MGMT: variants seen among roughly 807,000 people sequenced by gnomAD.
MGMT encodes O-6-methylguanine-DNA methyltransferase.
MGMT carries 14 observed loss-of-function variants against 15.9 expected under a neutral mutation model. That is an observed-to-expected ratio of 0.88 (90% CI 0.58 to 1.37). MGMT has a LOEUF of 1.37. Ranked by LOEUF, MGMT falls within the 40% of genes most tolerant of loss-of-function variation. The pLI, the probability that MGMT is intolerant of heterozygous loss-of-function variation, is 0.00. For synonymous variants in MGMT, 130 were observed against 118.2 expected (o/e 1.10, Z -0.65); for missense variants, 282 against 268.1 (o/e 1.05, Z -0.36).
At chr10:129,518,373 C>CACACACACACACACACA (rs1260129134) in intron 1 of MGMT, among the ~76,000 whole-genome samples, 1 of 149,784 alleles carries the variant, frequency 6.7e-6, no homozygotes, top group African/African-American at 2.5e-5. Flanking sequence ...CACACACACA[C>CACACACACACACACACA]ATTTGGCCCT....
Position 129,719,504 on chromosome 10 carries a change from G to C in MGMT, c.274+11461G>C, listed in dbSNP as rs146639712. ...GGAAGTCCGAGACCGAGGTGCGGCA[G>C]GGTGTCAGCTACTCAGACCAAGGTG... On this transcript the variant is annotated intron_variant, in intron 3 of 4. Coordinates refer to ENST00000651593, the MANE Select transcript of MGMT (RefSeq NM_002412.5). Among the ~76,000 whole-genome samples the C allele has an allele frequency of 5.1e-3, 781 of 152,346 alleles. 18 individuals carry two copies. Among genetic ancestry groups the C allele is most frequent in the Admixed American group, 0.047 (723 of 15,302 alleles).
chr10:129,524,213 G>A (rs1047472403), intron 1 of MGMT, among the ~76,000 whole-genome samples: 14 of 152,188 alleles, frequency 9.2e-5, no homozygotes, highest in Non-Finnish European at 1.3e-4. Context: ...ACTACCTCCC[G>A]CCCTCAAGGA....
intron 3 of MGMT, among the ~76,000 whole-genome samples, chr10:129,733,362 A>T (rs558094897): frequency 1.8e-4 from 28 of 152,150 alleles, no homozygotes; most frequent in African/African-American, 6.5e-4. Context: ...TCTACTTTTG[A>T]GAAGTGTCTG....
At chr10:129,682,930 ACTT>A (rs1758171931) in intron 2 of MGMT, among the ~76,000 whole-genome samples, 1 of 151,570 alleles carries the variant, frequency 6.6e-6, no homozygotes, top group Admixed American at 6.6e-5. Context: ...CTCATTGCAA[ACTT>A]CATCTCCCGG....
At chr10:129,701,278 C>G (rs1848096361) in intron 2 of MGMT, 1 of 152,148 alleles carries the variant, frequency 6.6e-6, no homozygotes, top group South Asian at 2.1e-4. Context: ...AGGTAGCATT[C>G]CCAGACCATA....
At position 129,594,636 on chromosome 10, in the gene MGMT, C is replaced by G. The variant is rs115039837; in HGVS notation, c.125+58259C>G. Reference sequence around the variant, plus strand: ...TACCACAGCAGTGTATGAAATTGTTCCCATCAGCTCCAGCGCGTGAAAGAC... The same window carrying G: ...TACCACAGCAGTGTATGAAATTGTTGCCATCAGCTCCAGCGCGTGAAAGAC... On this transcript the variant is annotated intron_variant, in intron 2 of 4. Coordinates refer to ENST00000651593, the MANE Select transcript of MGMT (RefSeq NM_002412.5). Among the ~76,000 whole-genome samples the G allele has an allele frequency of 6.4e-3, 982 of 152,292 alleles. 9 individuals are homozygous for G. Among genetic ancestry groups the G allele is most frequent in the African/African-American group, 0.022 (909 of 41,556 alleles).
chr10:129,563,258 G>A (rs1281419852), intron 2 of MGMT, among the ~76,000 whole-genome samples: 1 of 152,192 alleles, frequency 6.6e-6, no homozygotes, highest in Non-Finnish European at 1.5e-5. Context: ...ATGGTCCCAG[G>A]CCTGCGGGAT....
intron 3 of MGMT, among the ~76,000 whole-genome samples, chr10:129,744,286 G>A (rs1003259272): frequency 6.6e-6 from 1 of 152,194 alleles, no homozygotes; most frequent in South Asian, 2.1e-4. Context: ...GTGGGTGTGC[G>A]CCAGGCCACC....
intron 2 of MGMT, among the ~76,000 whole-genome samples, chr10:129,640,473 A>T (rs1847315646): frequency 6.6e-6 from 1 of 152,218 alleles, no homozygotes; most frequent in South Asian, 2.1e-4. Flanking sequence ...TAATAATTGA[A>T]TTTATAATTT....
intron 1 of MGMT, among the ~76,000 whole-genome samples, chr10:129,472,837 T>C (rs1845248054): frequency 6.6e-6 from 1 of 152,184 alleles, no homozygotes; most frequent in Non-Finnish European, 1.5e-5. Context: ...GAGGTCACAG[T>C]GCATTGTCTG....
intron 2 of MGMT, among the ~76,000 whole-genome samples, chr10:129,706,221 C>T (rs1301429782): frequency 7.2e-5 from 11 of 152,234 alleles, no homozygotes; most frequent in African/African-American, 2.4e-4. Context: ...TTCACACTGT[C>T]TGTCCTACGT....
intron 3 of MGMT, among the ~76,000 whole-genome samples, chr10:129,715,030 A>G (rs1356216132): frequency 6.6e-6 from 1 of 152,168 alleles, no homozygotes; most frequent in Non-Finnish European, 1.5e-5. Flanking sequence ...GGGTAAAGGA[A>G]GCAGCCCTCA....
chr10:129,601,015 AG>A (rs1420480235), intron 2 of MGMT, among the ~76,000 whole-genome samples: 2 of 152,148 alleles, frequency 1.3e-5, no homozygotes, highest in African/African-American at 4.8e-5. Context: ...GAGAAGGGAA[AG>A]ATTTTAAGGA....
At chr10:129,477,252 G>C (rs1214897172) in intron 1 of MGMT, among the ~76,000 whole-genome samples, 1 of 152,122 alleles carries the variant, frequency 6.6e-6, no homozygotes, top group East Asian at 1.9e-4. Context: ...ATCTCTCTCT[G>C]TCTGGGGCCC....
chr10:129,484,466 A>C lies in MGMT; in HGVS notation c.-13+17170A>C, dbSNP rs77200654. Among the ~76,000 whole-genome samples the C allele has an allele frequency of 2.2e-3, 333 of 152,276 alleles. 1 individual carries two copies. Among genetic ancestry groups the C allele is most frequent in the African/African-American group, 7.6e-3 (316 of 41,540 alleles). On this transcript the variant is annotated intron_variant, in intron 1 of 4. Transcript: ENST00000651593. ...TCTATATGCTCCATATGGGCCTTTT[A>C]AAATATCTTCTATTTCTCATGTCAT...
intron 2 of MGMT, among the ~76,000 whole-genome samples, chr10:129,679,337 T>A (rs1042989711): frequency 4.0e-5 from 6 of 151,562 alleles, no homozygotes; most frequent in African/African-American, 1.2e-4. Flanking sequence ...AGAACTGGCG[T>A]GAGGTCCGAG....
At chr10:129,640,745 A>ATT (rs1847318866) in intron 2 of MGMT, among the ~76,000 whole-genome samples, 1 of 152,200 alleles carries the variant, frequency 6.6e-6, no homozygotes, top group Non-Finnish European at 1.5e-5. Flanking sequence ...AAACCAGGAA[A>ATT]TATATAAAGG....
chr10:129,549,454 T>C (rs1846131836), intron 2 of MGMT, among the ~76,000 whole-genome samples: 1 of 152,212 alleles, frequency 6.6e-6, no homozygotes, highest in Non-Finnish European at 1.5e-5. Flanking sequence ...AGAAGAATGT[T>C]CAGGATTTAT....
chr10:129,586,592 T>C (rs1846620912), intron 2 of MGMT, among the ~76,000 whole-genome samples: 1 of 152,268 alleles, frequency 6.6e-6, no homozygotes, highest in Admixed American at 6.5e-5. Flanking sequence ...TGCTGAGTGG[T>C]ATTCCATTGT....
Sources: allele counts gnomAD v4.1 joint callset (sites outside exome capture counted in the v4.1 genomes callset), GRCh38; gene constraint gnomAD v4.1.1; transcripts MANE v1.5; gene names NCBI Gene and HGNC (gene_info 2026-07-23, HGNC 2026-07-21).